STK3: variants seen among roughly 807,000 people sequenced by gnomAD.
STK3 encodes serine/threonine kinase 3.
A neutral mutation model predicts 58.0 loss-of-function variants in STK3; 41 were observed. The ratio of observed to expected loss-of-function variants is 0.71; its 90% CI spans 0.55 to 0.92. The LOEUF (loss-of-function observed/expected upper bound fraction) is 0.92. Among genes scored for constraint, STK3 ranks in the 40% least tolerant of loss-of-function variants. The pLI is 0.00. For missense variants in STK3, 479 were observed against 602.7 expected, an observed-to-expected ratio of 0.79 and a Z score of 2.15; for synonymous variants, 170 against 191.0, an observed-to-expected ratio of 0.89 and a Z score of 0.91.
At position 98,608,498 on chromosome 8, in the gene STK3, CTAATT is replaced by C. The variant is rs200531584; in HGVS notation, c.685-12334_685-12330del. 7.0e-4 allele frequency among the ~76,000 whole-genome samples: 106 copies of C among 152,214 alleles called. No homozygotes were observed. In the East Asian group the frequency reaches 0.019, roughly 27 times the overall value. ...TTGTTTCATTTTATATTATGTCCTT[CTAATT>C]TGTTTACTTTTTTACATATTTGAAA... is the stretch of plus-strand genomic sequence containing the variant. On this transcript the variant is annotated intron_variant, in intron 6 of 10. Coordinates refer to ENST00000419617, the MANE Select transcript of STK3 (RefSeq NM_006281.4).
At chr8:98,922,749 C>A (rs1839614518) in intron 1 of STK3, among the ~76,000 whole-genome samples, 1 of 152,178 alleles carries the variant, frequency 6.6e-6, no homozygotes, top group Non-Finnish European at 1.5e-5. Context: ...ATTTATAAGG[C>A]ATTGGTTACA....
chr8:98,535,968 G>C (rs1809723987), intron 9 of STK3, among the ~76,000 whole-genome samples: 1 of 152,118 alleles, frequency 6.6e-6, no homozygotes, highest in African/African-American at 2.4e-5. Flanking sequence ...GAAACAGTTT[G>C]ATTAGAGAGA....
intron 4 of STK3, among the ~76,000 whole-genome samples, chr8:98,718,844 G>T (rs1237660540): frequency 4.0e-5 from 6 of 151,532 alleles, no homozygotes; most frequent in African/African-American, 7.3e-5. Context: ...TTTTAATGTG[G>T]CTACTCAAAA....
chr8:98,688,316 T>C (rs967162656), intron 6 of STK3, among the ~76,000 whole-genome samples: 1 of 152,134 alleles, frequency 6.6e-6, no homozygotes, highest in African/African-American at 2.4e-5. Flanking sequence ...AGCCACACAA[T>C]AACAGTGGGA....
intron 9 of STK3, among the ~76,000 whole-genome samples, chr8:98,541,825 G>A (rs1810302970): frequency 6.6e-6 from 1 of 152,170 alleles, no homozygotes; most frequent in Non-Finnish European, 1.5e-5. Context: ...GTCAAAAAAG[G>A]AAATTATATT....
rs926792867 is a variant in STK3, at chr8:98,776,409, T to G, written c.27-1590A>C. ...TCCTTGACAACTGTTCTGCTCATCC[T>G]CCAGCTGAAAAATCTCATTAAATAT... On this transcript the variant is annotated intron_variant, in intron 1 of 10. Transcript: ENST00000419617. Among the ~76,000 whole-genome samples, 25 of 152,342 alleles carry G rather than the reference T, an allele frequency of 1.6e-4. 1 individual carries two copies. Among genetic ancestry groups the G allele is most frequent in the African/African-American group, 6.0e-4 (25 of 41,582 alleles).
At position 98,846,612 on chromosome 8, in the gene STK3, A is replaced by G. The variant is rs148732237; in HGVS notation, c.110+37035T>C. On this transcript the variant is annotated intron_variant, in intron 3 of 12. Transcript: ENST00000523601. ...TAGTTCCCAGTAGCTCCAAGCGTAT[A>G]GGTTACTTAGTGCTTGAAATATCAC... is the stretch of plus-strand genomic sequence containing the variant. 9.9e-5 allele frequency among the ~76,000 whole-genome samples: 15 copies of G among 152,272 alleles called. No homozygotes were observed. The East Asian group carries it at 2.5e-3, about 26-fold the overall frequency.
At chr8:98,817,176 G>A (rs535663003) in intron 1 of STK3, among the ~76,000 whole-genome samples, 13 of 152,268 alleles carry the variant, frequency 8.5e-5, no homozygotes, top group African/African-American at 2.2e-4. Flanking sequence ...AAATCAGGCC[G>A]GGCATGGCGG....
chr8:98,646,142 T>G (rs1389380782), intron 6 of STK3, among the ~76,000 whole-genome samples: 1 of 152,254 alleles, frequency 6.6e-6, no homozygotes, highest in Non-Finnish European at 1.5e-5. Flanking sequence ...CTGACTGCTA[T>G]GACTAAACTC....
chr8:98,365,287 A>G, the STK3 span, among the ~76,000 whole-genome samples: 1 of 152,224 alleles, frequency 6.6e-6, no homozygotes, highest in African/African-American at 2.4e-5. Flanking sequence ...AATGCTAGAA[A>G]GGTTAAATTC....
chr8:98,840,593 A>G (rs1409163728), intron 3 of STK3, among the ~76,000 whole-genome samples: 2 of 50,054 alleles, frequency 4.0e-5, no homozygotes, highest in East Asian at 8.8e-4. Flanking sequence ...GTATATATAT[A>G]TATATATATA....
intron 3 of STK3, among the ~76,000 whole-genome samples, chr8:98,755,301 C>T (rs907515334): frequency 2.0e-5 from 3 of 152,170 alleles, no homozygotes; most frequent in East Asian, 3.8e-4. Flanking sequence ...GACCCTCATA[C>T]CGAATACACT....
chr8:98,544,056 T>A (rs1810499325), intron 9 of STK3, among the ~76,000 whole-genome samples: 1 of 151,902 alleles, frequency 6.6e-6, no homozygotes, highest in Non-Finnish European at 1.5e-5. Context: ...AATGAAATAA[T>A]GAAATATAGC....
intron 3 of STK3, among the ~76,000 whole-genome samples, chr8:98,765,216 T>A (rs2131432609): frequency 6.6e-6 from 1 of 152,332 alleles, no homozygotes. Flanking sequence ...CACTATGCTA[T>A]CTCATCTCTT....
the STK3 span, among the ~76,000 whole-genome samples, chr8:98,344,619 C>T: frequency 2.0e-5 from 3 of 152,090 alleles, 1 homozygote; most frequent in South Asian, 4.1e-4. Flanking sequence ...CTCGGCCGGG[C>T]GCGGTGGCTC....
At chr8:98,783,369 G>C (rs1034442664) in intron 1 of STK3, among the ~76,000 whole-genome samples, 1 of 152,148 alleles carries the variant, frequency 6.6e-6, no homozygotes, top group African/African-American at 2.4e-5. Flanking sequence ...TTATATGCCT[G>C]TATCAAAATA....
the STK3 span, among the ~76,000 whole-genome samples, chr8:98,347,036 C>T: frequency 6.6e-6 from 1 of 151,430 alleles, no homozygotes; most frequent in South Asian, 2.1e-4. Context: ...TACCACAAAG[C>T]CCATAAAAGG....
intron 6 of STK3, among the ~76,000 whole-genome samples, chr8:98,693,388 G>A (rs1824562421): frequency 6.6e-6 from 1 of 152,134 alleles, no homozygotes; most frequent in Admixed American, 6.6e-5. Context: ...GCAAGACCCT[G>A]TGAAAGAAGA....
intron 9 of STK3, among the ~76,000 whole-genome samples, chr8:98,536,303 T>C (rs1363719223): frequency 6.6e-6 from 1 of 152,084 alleles, no homozygotes; most frequent in Admixed American, 6.6e-5. Context: ...AAATAAGGGT[T>C]TAGGCCAGGT....
Sources: gnomAD v4.1 joint callset for allele counts (sites outside exome capture counted in the v4.1 genomes callset) on GRCh38, gnomAD v4.1.1 for gene constraint, MANE v1.5 for transcripts, NCBI Gene and HGNC (gene_info 2026-07-23, HGNC 2026-07-21) for gene names.